Variants in KPNA5 observed in about 807,000 individuals in gnomAD.
KPNA5 encodes the protein karyopherin subunit alpha 5, also known as importin subunit alpha-6.
KPNA5 carries 46 observed loss-of-function variants against 71.3 expected under a neutral mutation model. The observed-to-expected ratio is 0.65, with a 90% CI of 0.51 to 0.83. The LOEUF (loss-of-function observed/expected upper bound fraction) is 0.83, where lower values mean the gene tolerates loss of function less well. KPNA5 is among the 40% of genes least tolerant of loss of function. The pLI, the probability that KPNA5 is intolerant of heterozygous loss-of-function variation, is 0.00. For missense variants in KPNA5, 547 were observed against 628.3 expected, an observed-to-expected ratio of 0.87 and a Z score of 1.38; for synonymous variants, 207 against 201.4, an observed-to-expected ratio of 1.03 and a Z score of -0.24.
At chr6:116,729,785 A>G (rs1203372010) in intron 13 of KPNA5, 44 bp downstream of exon 13, 1 of 1,219,580 alleles carries the variant, frequency 8.2e-7, no homozygotes. Flanking sequence ...CAGTTCTTAT[A>G]TCTGTCATAC....
intron 1 of KPNA5, 123 bp downstream of exon 1, chr6:116,681,461 G>C: frequency 2.1e-6 from 3 of 1,412,774 alleles, no homozygotes; most frequent in East Asian, 2.9e-5. Context: ...CTGGAACCTG[G>C]CGGTGCCGGG....
chr6:116,721,442 C>T (rs1200722965), intron 8 of KPNA5, among the ~76,000 whole-genome samples: 2 of 151,930 alleles, frequency 1.3e-5, no homozygotes, highest in African/African-American at 2.4e-5. Context: ...CATGAGCCAC[C>T]GTGCCCAGCT....
rs115607963 is a variant in KPNA5 at position 116,706,842 on chromosome 6, G to A, written c.656+1682G>A. Among the ~76,000 whole-genome samples, 508 of 151,802 alleles carry A rather than the reference G, an allele frequency of 3.3e-3. 2 individuals carry two copies. The highest frequency in any genetic ancestry group is 0.012 in the African/African-American group (477 of 41,420). On this transcript the variant is annotated intron_variant, in intron 7 of 13. Coordinates refer to ENST00000368564, the MANE Select transcript of KPNA5 (RefSeq NM_001366306.2). ...AAGTTAGATACTCTCTCTGGAGTTGGGCAAAAGGAAAAATTTTCAGCTTAA... is the reference window on the plus strand; with the variant it reads ...AAGTTAGATACTCTCTCTGGAGTTGAGCAAAAGGAAAAATTTTCAGCTTAA...
intron 7 of KPNA5, among the ~76,000 whole-genome samples, chr6:116,711,538 A>ATGTGTGTG (rs143357784): frequency 0.028 from 4,013 of 143,488 alleles, 96 homozygotes; most frequent in African/African-American, 0.058. Flanking sequence ...TTTTCTGCAT[A>ATGTGTGTG]TGTGTGTGTG....
In KPNA5 at chr6:116,726,483, T is replaced by TC. The variant is rs770455923; in HGVS notation, c.1126-7dup. ...AGTATTTGTACTGATTATATATTTT[T>TC]CCCCCTCTCAGGCTGTTATAGATGC... is the stretch of plus-strand genomic sequence containing the variant. On this transcript the variant is annotated splice_polypyrimidine_tract_variant and intron_variant, in intron 11 of 13. Coordinates refer to ENST00000368564, the MANE Select transcript of KPNA5 (RefSeq NM_001366306.2). 8 of 1,604,344 alleles carry TC rather than the reference T, an allele frequency of 5.0e-6. No individual in the cohort carries two copies. The Admixed American group carries it at 1.0e-4, about 20-fold the overall frequency.
chr6:116,724,110 C>T (rs1240592952), intron 9 of KPNA5, among the ~76,000 whole-genome samples, 187 bp from the exon 10 acceptor site: 1 of 152,040 alleles, frequency 6.6e-6, no homozygotes, highest in Non-Finnish European at 1.5e-5. Context: ...TCTGGAGAGA[C>T]ATGAAAACTG....
rs545892497 is a variant in KPNA5, at chr6:116,691,146, T to A, written c.139-909T>A. 8.3e-4 allele frequency among the ~76,000 whole-genome samples: 127 copies of A among 152,290 alleles called. 1 individual carries two copies. The highest frequency in any genetic ancestry group is 2.8e-3 in the African/African-American group (116 of 41,566). On this transcript the variant is annotated intron_variant, in intron 2 of 13. Transcript: ENST00000368564. ...CAGGAGGTTTAGGCAGGAGGATCGCTTGAACCCAGGAGGTGGAGGTTGCAG... is the reference window on the plus strand; with the variant it reads ...CAGGAGGTTTAGGCAGGAGGATCGCATGAACCCAGGAGGTGGAGGTTGCAG...
intron 10 of KPNA5, among the ~76,000 whole-genome samples, chr6:116,725,383 G>A (rs916071614): frequency 1.3e-5 from 2 of 152,146 alleles, no homozygotes; most frequent in African/African-American, 2.4e-5. Context: ...GATTTTCTCA[G>A]ACTGTATGAT....
rs758269420 is a variant in KPNA5, at chr6:116,689,325, A to G, written c.10A>G (p.Met4Val). 6.2e-7 allele frequency: 1 copy of G among 1,601,962 alleles called. No homozygotes were observed. Among genetic ancestry groups the G allele is most frequent in the South Asian group, 1.1e-5 (1 of 88,250 alleles). ...TCTTTTCTCCTTCCTTTAAGATGCC[A>G]TGGCTAGTCCAGGGAAAGATAACTA... MDA[M>V]ASPGKDNYRM... The change falls in exon 2 of 14, where the codon ATG becomes GTG. Residue 4 changes from methionine (M) to valine (V), a missense_variant. Met to Val is a conservative substitution (Grantham distance 21, BLOSUM62 1). Coordinates refer to ENST00000368564, the MANE Select transcript of KPNA5 (RefSeq NM_001366306.2).
In KPNA5 at chr6:116,724,320, C is replaced by T; in HGVS notation, c.944C>T (p.Ser315Leu). 1 of 1,608,870 alleles carries T rather than the reference C, an allele frequency of 6.2e-7. No individual in the cohort carries two copies. ...AGGCACAATGATTATAAAGTTGTATCACCTGCATTAAGGGCAGTTGGTAAT... is the reference window on the plus strand; with the variant it reads ...AGGCACAATGATTATAAAGTTGTATTACCTGCATTAAGGGCAGTTGGTAAT... ...LLMHNDYKVV[S>L]PALRAVGNIV... Residue 315 changes from serine to leucine, a missense_variant, in exon 10 of 14, where the codon TCA becomes TTA. Physicochemically the swap from Ser to Leu is moderately radical, Grantham distance 145. Coordinates refer to ENST00000368564, the MANE Select transcript of KPNA5 (RefSeq NM_001366306.2).
At position 116,716,216 on chromosome 6, in the gene KPNA5, C is replaced by G. The variant is rs774013329; in HGVS notation, c.657-3C>G. 1 of 1,600,990 alleles carries G rather than the reference C, an allele frequency of 6.2e-7. No homozygotes were observed. The highest frequency in any genetic ancestry group is 8.5e-7 in the Non-Finnish European group (1 of 1,174,478). ...TAATTCTTTTTTTTCTTTTTCTTGG[C>G]AGGTTATTAACAAATTCAAACAGAC... is the stretch of plus-strand genomic sequence containing the variant. On this transcript the variant is annotated splice_polypyrimidine_tract_variant and splice_region_variant and intron_variant, in intron 7 of 13. Transcript: ENST00000368564.
In KPNA5 at chr6:116,737,601, C is replaced by A. The variant is rs1779718362; in HGVS notation, c.*5278C>A. 6.6e-6 allele frequency: 1 copy of A among 151,934 alleles called. No individual in the cohort carries two copies. Among genetic ancestry groups the A allele is most frequent in the African/African-American group, 2.4e-5 (1 of 41,418 alleles). The allele number at this position is 151,934 out of a possible 1,614,324, so 9.4% of individuals were successfully genotyped here. Reference sequence around the variant, plus strand: ...TAAGAGACAGAGCAGTCATAGGGCTCAACTAGTTTGTTTCCTCTGTTTCAT... The same window carrying A: ...TAAGAGACAGAGCAGTCATAGGGCTAAACTAGTTTGTTTCCTCTGTTTCAT... On this transcript the variant is annotated 3_prime_UTR_variant, in exon 14 of 14. Coordinates refer to ENST00000368564, the MANE Select transcript of KPNA5 (RefSeq NM_001366306.2).
intron 7 of KPNA5, among the ~76,000 whole-genome samples, chr6:116,714,806 C>T (rs1778823555): frequency 6.6e-6 from 1 of 152,168 alleles, no homozygotes; most frequent in Non-Finnish European, 1.5e-5. Flanking sequence ...AAGGCAAGCC[C>T]TTTGCATCAG....
chr6:116,696,535 CT>C (rs1386194361), intron 4 of KPNA5, among the ~76,000 whole-genome samples: 4 of 152,140 alleles, frequency 2.6e-5, no homozygotes, highest in African/African-American at 7.2e-5. Flanking sequence ...TGACTTAAGT[CT>C]GCGACGGTGA....
Position 116,729,582 on chromosome 6 carries a change from T to A in KPNA5, c.1273T>A (p.Cys425Ser), listed in dbSNP as rs201622060. Residue 425 changes from cysteine (C) to serine (S), a missense_variant, in exon 13 of 14, where the codon TGC (cysteine) becomes AGC (serine). By Grantham distance (112) the Cys-to-Ser change is moderately radical. Coordinates refer to ENST00000368564, the MANE Select transcript of KPNA5 (RefSeq NM_001366306.2). ...EQIRYLVALG[C>S]IKPLCDLLTV... ...CTGAAGGTATTTGGTAGCTTTAGGC[T>A]GCATTAAACCACTTTGTGATCTTTT... 7 of 1,577,934 alleles carry A rather than the reference T, an allele frequency of 4.4e-6. No individual in the cohort carries two copies. Among genetic ancestry groups the A allele is most frequent in the Middle Eastern group, 3.6e-4 (2 of 5,624 alleles).
rs1443743670 is a variant in KPNA5 at position 116,732,866 on chromosome 6, A to T, written c.*543A>T. Reference sequence around the variant, plus strand: ...TAAATTATACATATCACTGTGCTGTAGGTTATACTTTGCAAAAAATTGCAA... The same window carrying T: ...TAAATTATACATATCACTGTGCTGTTGGTTATACTTTGCAAAAAATTGCAA... On this transcript the variant is annotated 3_prime_UTR_variant, in exon 14 of 14. Coordinates refer to ENST00000368564, the MANE Select transcript of KPNA5 (RefSeq NM_001366306.2). 6.6e-6 allele frequency: 1 copy of T among 151,986 alleles called. No individual in the cohort carries two copies. Among genetic ancestry groups the T allele is most frequent in the Non-Finnish European group, 1.5e-5 (1 of 67,860 alleles). 9.4% of individuals were successfully genotyped at this position (151,986 alleles called of 1,614,324 possible).
intron 1 of KPNA5, among the ~76,000 whole-genome samples, chr6:116,688,761 T>C (rs1366229085): frequency 6.6e-6 from 1 of 152,154 alleles, no homozygotes; most frequent in Non-Finnish European, 1.5e-5. Context: ...AAAACTGATA[T>C]TGTAGTCATA....
At chr6:116,707,057 GGGAGGCTGAGGCAGGA>G (rs1778469361) in intron 7 of KPNA5, among the ~76,000 whole-genome samples, 2 of 151,088 alleles carry the variant, frequency 1.3e-5, no homozygotes, top group Non-Finnish European at 3.0e-5. Context: ...CCAGCTACTC[GGGAGGCTGAGGCAGGA>G]GGATGGCTTG....
chr6:116,738,178 G>A lies in KPNA5; in HGVS notation c.*5855G>A, dbSNP rs530005590. 10 of 152,068 alleles carry A rather than the reference G, an allele frequency of 6.6e-5. No individual in the cohort carries two copies. Among genetic ancestry groups the A allele is most frequent in the African/African-American group, 2.4e-4 (10 of 41,504 alleles). The allele number at this position is 152,068 out of a possible 1,614,324, so 9.4% of individuals were successfully genotyped here. On this transcript the variant is annotated 3_prime_UTR_variant, in exon 14 of 14. Coordinates refer to ENST00000368564, the MANE Select transcript of KPNA5 (RefSeq NM_001366306.2). ...AAATGATAAAGGGGATATCACCACC[G>A]ATCCCACAGAAATACAAACTACCAT...
Sources: gnomAD v4.1 joint callset for allele counts (sites outside exome capture counted in the v4.1 genomes callset) on GRCh38, gnomAD v4.1.1 for gene constraint, MANE v1.5 for transcripts, NCBI Gene and HGNC (gene_info 2026-07-23, HGNC 2026-07-21) for gene names.